The following PPP2R2B variants were observed in gnomAD, a reference collection of about 807,000 sequenced individuals.
The protein encoded by PPP2R2B is serine/threonine-protein phosphatase 2A 55 kDa regulatory subunit B beta isoform.
A neutral mutation model predicts 46.0 loss-of-function variants in PPP2R2B; 5 were observed. The observed-to-expected ratio is 0.11, with a 90% CI of 0.06 to 0.23. PPP2R2B has a LOEUF of 0.23. PPP2R2B is among the 10% of genes least tolerant of loss of function. The pLI is 1.00. For missense variants in PPP2R2B, 367 were observed against 575.0 expected (o/e 0.64, Z 3.70); for synonymous variants, 215 against 206.7 (o/e 1.04, Z -0.34).
chr5:146,741,434 C>T (rs1752870725), intron 2 of PPP2R2B, among the ~76,000 whole-genome samples: 1 of 152,134 alleles, frequency 6.6e-6, no homozygotes, highest in Non-Finnish European at 1.5e-5. Context: ...GACAGTGCTG[C>T]ATATTCATAA....
intron 1 of PPP2R2B, among the ~76,000 whole-genome samples, chr5:146,896,608 G>C (rs1048241003): frequency 2.0e-5 from 3 of 152,146 alleles, no homozygotes; most frequent in African/African-American, 7.2e-5. Context: ...GAAATGCCCT[G>C]TGGTGGTGAG....
intron 1 of PPP2R2B, among the ~76,000 whole-genome samples, chr5:147,023,482 C>T (rs1021475885): frequency 6.6e-6 from 1 of 151,834 alleles, no homozygotes; most frequent in African/African-American, 2.4e-5. Context: ...TAAATACTGC[C>T]TAAAAATATA....
At chr5:146,976,889 C>A (rs74695109) in intron 1 of PPP2R2B, among the ~76,000 whole-genome samples, 2,943 of 152,202 alleles carry the variant, frequency 0.019, 97 homozygotes, top group East Asian at 0.14. Flanking sequence ...ACCCATCACT[C>A]CCATAAAACT....
intron 2 of PPP2R2B, among the ~76,000 whole-genome samples, chr5:146,820,131 G>T (rs1650112203): frequency 6.6e-6 from 1 of 152,122 alleles, no homozygotes; most frequent in African/African-American, 2.4e-5. Context: ...CTGGTGTTCT[G>T]TTGCACAGAA....
At chr5:146,681,802 A>G (rs1477062779) in intron 5 of PPP2R2B, among the ~76,000 whole-genome samples, 1 of 152,194 alleles carries the variant, frequency 6.6e-6, no homozygotes, top group African/African-American at 2.4e-5. Context: ...CCATTTAACA[A>G]CCAAGGTTAG....
intron 2 of PPP2R2B, among the ~76,000 whole-genome samples, chr5:146,719,624 G>C (rs1217414295): frequency 6.6e-6 from 1 of 152,088 alleles, no homozygotes; most frequent in East Asian, 1.9e-4. Flanking sequence ...CACTCATCTG[G>C]ATCCCAGATA....
chr5:147,040,760 T>C (rs1211243727), intron 1 of PPP2R2B: 1 of 451,164 alleles, frequency 2.2e-6, no homozygotes, highest in Admixed American at 2.4e-5. Context: ...TCTTTTCAGC[T>C]CATTCTGTGT....
Position 146,868,980 on chromosome 5 carries a change from C to A in PPP2R2B, c.70+9022G>T, listed in dbSNP as rs188340356. Among the ~76,000 whole-genome samples, 783 of 152,262 alleles carry A rather than the reference C, an allele frequency of 5.1e-3. 7 individuals are homozygous for A. Among genetic ancestry groups the A allele is most frequent in the African/African-American group, 0.018 (756 of 41,536 alleles). The stretch of plus-strand genomic sequence containing the variant: ...GGGATAAGAACAGTATCAGCCTATA[C>A]AAGTAAACTGGATTACATGAGAAAA... On this transcript the variant is annotated intron_variant, in intron 2 of 9. Coordinates refer to ENST00000394411, the MANE Select transcript of PPP2R2B (RefSeq NM_181675.4).
chr5:146,873,915 T>C (rs1321330030), intron 2 of PPP2R2B, among the ~76,000 whole-genome samples: 1 of 152,262 alleles, frequency 6.6e-6, no homozygotes, highest in Non-Finnish European at 1.5e-5. Context: ...CTCTTCTCCC[T>C]GTTCCTAGCC....
intron 2 of PPP2R2B, among the ~76,000 whole-genome samples, chr5:146,803,118 T>C (rs1023231971): frequency 2.0e-5 from 3 of 152,238 alleles, no homozygotes; most frequent in African/African-American, 4.8e-5. Flanking sequence ...GTTTATTCCA[T>C]AGAGCGCATG....
At chr5:146,686,476 G>A (rs1023078022) in intron 5 of PPP2R2B, among the ~76,000 whole-genome samples, 7 of 152,110 alleles carry the variant, frequency 4.6e-5, no homozygotes, top group East Asian at 1.9e-4. Context: ...GAACCTAACC[G>A]AGAGAGATAT....
chr5:146,933,000 G>C (rs995709965), intron 1 of PPP2R2B, among the ~76,000 whole-genome samples: 10 of 152,132 alleles, frequency 6.6e-5, no homozygotes, highest in Admixed American at 3.3e-4. Flanking sequence ...TTCTTTACCT[G>C]TACCAGCACT....
At chr5:146,698,265 G>A (rs1162779552) in intron 3 of PPP2R2B, 121 bp from the exon 4 acceptor site, 1 of 433,422 alleles carries the variant, frequency 2.3e-6, no homozygotes, top group Non-Finnish European at 3.7e-6. Context: ...CCATGAGGAT[G>A]AGGGCAGGGC....
intron 7 of PPP2R2B, among the ~76,000 whole-genome samples, chr5:146,636,008 C>T (rs1269322421): frequency 2.6e-5 from 4 of 152,034 alleles, no homozygotes; most frequent in African/African-American, 7.2e-5. Flanking sequence ...GTTCATTTTC[C>T]CCCTTCTCTT....
At chr5:146,754,622 C>A (rs1290915761) in intron 2 of PPP2R2B, among the ~76,000 whole-genome samples, 1 of 152,162 alleles carries the variant, frequency 6.6e-6, no homozygotes, top group Non-Finnish European at 1.5e-5. Flanking sequence ...TGACAAGGTG[C>A]CACTTCCAAG....
At chr5:146,943,503 G>A (rs1442043223) in intron 1 of PPP2R2B, among the ~76,000 whole-genome samples, 1 of 152,160 alleles carries the variant, frequency 6.6e-6, no homozygotes, top group Non-Finnish European at 1.5e-5. Context: ...TTGTAAGAAA[G>A]TAAATGACAT....
At chr5:147,074,539 T>G (rs1757702374) in intron 2 of PPP2R2B, among the ~76,000 whole-genome samples, 1 of 152,198 alleles carries the variant, frequency 6.6e-6, no homozygotes, top group Admixed American at 6.5e-5. Context: ...TAAAATGAGG[T>G]GAAGGCTACA....
rs185977991 is a variant in PPP2R2B at position 147,077,894 on chromosome 5, G to A, written c.50+3165C>T. Among the ~76,000 whole-genome samples the A allele has an allele frequency of 5.9e-5, 9 of 152,260 alleles. No homozygotes were observed. The East Asian group carries it at 1.4e-3, about 23-fold the overall frequency. ...ACATTTCAACCTATCTTCAGTTCAC[G>A]TGTATTCATAATGATCGTCTAAGGG... On this transcript the variant is annotated intron_variant, in intron 2 of 10. Coordinates refer to the PPP2R2B transcript ENST00000394413.
intron 5 of PPP2R2B, among the ~76,000 whole-genome samples, chr5:146,671,760 C>A (rs1337486609): frequency 6.6e-6 from 1 of 152,190 alleles, no homozygotes; most frequent in Non-Finnish European, 1.5e-5. Context: ...TGAATCCCTG[C>A]CTATGGCTTT....
Sources: allele counts gnomAD v4.1 joint callset (sites outside exome capture counted in the v4.1 genomes callset), GRCh38; gene constraint gnomAD v4.1.1; transcripts MANE v1.5; gene names NCBI Gene and HGNC (gene_info 2026-07-23, HGNC 2026-07-21).